NLRP5: variants seen among roughly 807,000 people sequenced by gnomAD.
NLRP5 encodes the protein NLR family pyrin domain containing 5.
Under a neutral mutation model 113.1 loss-of-function variants are expected in NLRP5, and 93 were observed. The observed-to-expected ratio is 0.82, with a 90% confidence interval of 0.70 to 0.98. The LOEUF (loss-of-function observed/expected upper bound fraction) is 0.98, where lower values mean the gene tolerates loss of function less well. Ranked by LOEUF, NLRP5 falls within the 50% of genes least tolerant of loss-of-function variation. The pLI is 0.00. For missense variants in NLRP5, 1,808 were observed against 1,514.3 expected (o/e 1.19, Z -3.22); for synonymous variants, 751 against 600.7 (o/e 1.25, Z -3.66).
At chr19:56,036,132 C>T (rs1401297649) in intron 9 of NLRP5, among the ~76,000 whole-genome samples, 3 of 133,882 alleles carry the variant, frequency 2.2e-5, no homozygotes, top group Admixed American at 1.8e-4. Flanking sequence ...GGTGCAATCT[C>T]GGCTCATTGC....
At chr19:55,996,446 C>A (rs557555984), upstream of NLRP5, among the ~76,000 whole-genome samples, 2 of 152,124 alleles carry the variant, frequency 1.3e-5, no homozygotes, top group Non-Finnish European at 2.9e-5. Context: ...TGGTGTGCTG[C>A]ACCCATTAAC....
At chr19:56,025,717 T>C (rs1279450660) in intron 6 of NLRP5, among the ~76,000 whole-genome samples, 2 of 152,010 alleles carry the variant, frequency 1.3e-5, no homozygotes, top group Non-Finnish European at 2.9e-5. Flanking sequence ...GCCATTCCCC[T>C]CTTTATGTAC....
chr19:56,009,785 T>C (rs1463655282), intron 3 of NLRP5, among the ~76,000 whole-genome samples: 1 of 152,086 alleles, frequency 6.6e-6, no homozygotes, highest in Non-Finnish European at 1.5e-5. Flanking sequence ...CTAATCTGGT[T>C]TGGAAGGGGT....
intron 6 of NLRP5, among the ~76,000 whole-genome samples, chr19:56,024,377 G>GT (rs1982733119): frequency 7.3e-6 from 1 of 137,152 alleles, no homozygotes; most frequent in Non-Finnish European, 1.5e-5. Context: ...ATATATATGT[G>GT]TATATATAAC....
At chr19:55,999,480 G>A (rs564768738), upstream of NLRP5, among the ~76,000 whole-genome samples, 10 of 151,982 alleles carry the variant, frequency 6.6e-5, no homozygotes, top group South Asian at 1.9e-3. Flanking sequence ...CAGTAGCGTC[G>A]TAAGCCTGAG....
At chr19:56,050,218 T>C (rs1329386381) in intron 11 of NLRP5, among the ~76,000 whole-genome samples, 200 bp from the exon 12 acceptor site, 1 of 149,900 alleles carries the variant, frequency 6.7e-6, no homozygotes, top group East Asian at 2.0e-4. Context: ...AGGCAGAGGC[T>C]GCAGTGAACT....
chr19:55,990,920 AT>A, the NLRP5 span, among the ~76,000 whole-genome samples: 1 of 152,088 alleles, frequency 6.6e-6, no homozygotes, highest in Non-Finnish European at 1.5e-5. Context: ...GGAGACGGAG[AT>A]TGCAGTGAAC....
At chr19:56,054,671 T>G (rs1019691229) in intron 13 of NLRP5, among the ~76,000 whole-genome samples, 7 of 151,676 alleles carry the variant, frequency 4.6e-5, no homozygotes, top group Non-Finnish European at 7.4e-5. Context: ...ACCTGGTGTA[T>G]AATTCCATTT....
At chr19:56,032,329 A>C (rs1983148645) in intron 7 of NLRP5, among the ~76,000 whole-genome samples, 2 of 148,048 alleles carry the variant, frequency 1.4e-5, no homozygotes, top group Admixed American at 6.8e-5. Flanking sequence ...TGGGCAACGG[A>C]GCGAGACTCC....
At chr19:56,015,949 T>C (rs949037740) in intron 4 of NLRP5, among the ~76,000 whole-genome samples, 151 bp downstream of exon 4, 1 of 152,174 alleles carries the variant, frequency 6.6e-6, no homozygotes. Context: ...TAAGAGATCT[T>C]GGGATCAGCA....
chr19:56,041,683 C>T (rs900359177), intron 11 of NLRP5, among the ~76,000 whole-genome samples: 1 of 152,114 alleles, frequency 6.6e-6, no homozygotes, highest in African/African-American at 2.4e-5. Context: ...CGCGGTGGCT[C>T]ACACCTGTAA....
At chr19:55,999,134 C>G (rs983510005), upstream of NLRP5, among the ~76,000 whole-genome samples, 4 of 151,530 alleles carry the variant, frequency 2.6e-5, no homozygotes, top group African/African-American at 9.7e-5. Flanking sequence ...AACCACCATT[C>G]TTCTCTCTGC....
At chr19:56,020,797 T>C in intron 6 of NLRP5, among the ~76,000 whole-genome samples, 1 of 151,746 alleles carries the variant, frequency 6.6e-6, no homozygotes, top group East Asian at 1.9e-4. Context: ...TATCAACTAA[T>C]ATGTACATGA....
chr19:56,035,842 G>A (rs1983290192), intron 9 of NLRP5, among the ~76,000 whole-genome samples: 1 of 151,870 alleles, frequency 6.6e-6, no homozygotes. Flanking sequence ...AGATGGATTG[G>A]GCCACATCGT....
At chr19:56,055,671 A>C (rs525121) in intron 13 of NLRP5, among the ~76,000 whole-genome samples, 2 of 148,990 alleles carry the variant, frequency 1.3e-5, no homozygotes, top group Admixed American at 1.3e-4. Flanking sequence ...TCAGCCTCCC[A>C]AGTAGCTGGG....
intron 11 of NLRP5, among the ~76,000 whole-genome samples, chr19:56,049,369 T>G (rs12462825): frequency 2.0e-5 from 3 of 151,722 alleles, no homozygotes; most frequent in African/African-American, 2.4e-5. Flanking sequence ...TTAGTAGAGA[T>G]GGGGTTTCTC....
chr19:56,003,822 T>G lies in NLRP5; in HGVS notation c.169T>G (p.Ser57Ala). The change falls in exon 2 of 15, where the codon TCG (serine) becomes GCG (alanine). Residue 57 changes from serine to alanine, a missense_variant. Coordinates refer to ENST00000390649, the MANE Select transcript of NLRP5 (RefSeq NM_153447.4). ...TTGTATCAAGATGGAAGGAGACAAATCGCTCACCTTTTCCAGCTACGGGCT... is the reference window on the plus strand; with the variant it reads ...TTGTATCAAGATGGAAGGAGACAAAGCGCTCACCTTTTCCAGCTACGGGCT... The G allele has an allele frequency of 6.2e-7, 1 of 1,613,970 alleles. No homozygotes were observed. Among genetic ancestry groups the G allele is most frequent in the Non-Finnish European group, 8.5e-7 (1 of 1,179,890 alleles).
intron 9 of NLRP5, among the ~76,000 whole-genome samples, chr19:56,037,008 G>C (rs1209230661): frequency 1.3e-5 from 2 of 152,102 alleles, no homozygotes; most frequent in Non-Finnish European, 2.9e-5. Context: ...CCCTAGCCAG[G>C]TACTGGCCTA....
rs544578557 is a variant in NLRP5, at chr19:56,050,547, C to T, written c.3087C>T (p.Cys1029=). ...AAGACAATGGCGTGAAGCTTCTGTG[C>T]GAGGTCATGAGAGAACCATCTTGTC... The change falls in exon 12 of 15, where the codon TGC becomes TGT. Residue 1029 remains cysteine, a synonymous_variant. Transcript: ENST00000390649. The T allele has an allele frequency of 7.4e-6, 12 of 1,613,842 alleles. No homozygotes were observed. In the African/African-American group the frequency reaches 8.0e-5, roughly 11 times the overall value.
Sources: allele counts gnomAD v4.1 joint callset (sites outside exome capture counted in the v4.1 genomes callset), GRCh38; gene constraint gnomAD v4.1.1; transcripts MANE v1.5; gene names NCBI Gene and HGNC (gene_info 2026-07-23, HGNC 2026-07-21).